The following SLC26A5 variants were observed in gnomAD, a reference collection of about 807,000 sequenced individuals.
The protein encoded by SLC26A5 is prestin.
SLC26A5 carries 51 observed loss-of-function variants against 81.0 expected under a neutral mutation model. The ratio of observed to expected loss-of-function variants is 0.63; its 90% CI spans 0.50 to 0.80. SLC26A5 has a LOEUF of 0.80. Among genes scored for constraint, SLC26A5 ranks in the 30% least tolerant of loss-of-function variants. SLC26A5 has a pLI of 0.00. For synonymous variants in SLC26A5, 325 were observed against 332.8 expected (o/e 0.98, Z 0.25); for missense variants, 771 against 905.8 (o/e 0.85, Z 1.91).
chr7:103,423,837 C>CTGGA (rs768655513), intron 2 of SLC26A5, among the ~76,000 whole-genome samples: 2 of 152,132 alleles, frequency 1.3e-5, no homozygotes, highest in Non-Finnish European at 2.9e-5. Flanking sequence ...AATGGTAAAT[C>CTGGA]TGGAGGAAGA....
intron 9 of SLC26A5, among the ~76,000 whole-genome samples, chr7:103,395,260 G>T (rs1822991663): frequency 6.6e-6 from 1 of 151,246 alleles, no homozygotes; most frequent in Admixed American, 6.6e-5. Context: ...AGGTAGGTAG[G>T]TATTTGTTAC....
intron 19 of SLC26A5, among the ~76,000 whole-genome samples, chr7:103,361,639 G>A (rs775317608): frequency 7.3e-5 from 11 of 151,668 alleles, no homozygotes; most frequent in Non-Finnish European, 1.5e-4. Context: ...AAATAAAAAC[G>A]AGAGCAACTT....
intron 8 of SLC26A5, 84 bp downstream of exon 8, chr7:103,407,767 C>A: frequency 6.6e-7 from 1 of 1,510,244 alleles, no homozygotes; most frequent in Non-Finnish European, 9.1e-7. Context: ...CAAAAAATTC[C>A]TTTCATCCAC....
At chr7:103,376,763 A>T in intron 19 of SLC26A5, 45 bp downstream of exon 19, 1 of 1,356,214 alleles carries the variant, frequency 7.4e-7, no homozygotes, top group Non-Finnish European at 1.0e-6. Context: ...TAAGAGAAAC[A>T]AAACTAAAAT....
intron 2 of SLC26A5, among the ~76,000 whole-genome samples, chr7:103,430,109 A>C: frequency 2.2e-5 from 3 of 138,606 alleles, no homozygotes; most frequent in African/African-American, 2.7e-5. Context: ...ATAGAGTTTC[A>C]CTCTTGTAAC....
intron 2 of SLC26A5, among the ~76,000 whole-genome samples, chr7:103,430,920 C>T (rs751874546): frequency 6.6e-5 from 10 of 152,180 alleles, no homozygotes; most frequent in African/African-American, 1.2e-4. Flanking sequence ...CACTCTACCA[C>T]GGATAAATTA....
chr7:103,353,800 T>A lies in SLC26A5; in HGVS notation c.2042-874A>T, dbSNP rs939961939. On this transcript the variant is annotated intron_variant, in intron 19 of 19. Coordinates refer to the SLC26A5 transcript ENST00000339444. Reference sequence around the variant, plus strand: ...TGAATATGTATCATCATAATCTTGCTTGATTTTTGACACTCACTTAAAACA... The same window carrying A: ...TGAATATGTATCATCATAATCTTGCATGATTTTTGACACTCACTTAAAACA... 6 of 820,796 alleles carry A rather than the reference T, an allele frequency of 7.3e-6. No homozygotes were observed. In the African/African-American group the frequency reaches 1.0e-4, roughly 14 times the overall value. The allele number at this position is 820,796 out of a possible 1,614,324, so 50.8% of individuals were successfully genotyped here.
At chr7:103,445,345 C>G (rs1442518701) in intron 1 of SLC26A5, 1 of 152,220 alleles carries the variant, frequency 6.6e-6, no homozygotes, top group Non-Finnish European at 1.5e-5. Context: ...TCAACCAAGT[C>G]AATTGGTTCC....
chr7:103,428,553 C>A (rs1290491480), intron 2 of SLC26A5, among the ~76,000 whole-genome samples: 1 of 141,846 alleles, frequency 7.0e-6, no homozygotes, highest in Middle Eastern at 3.3e-3. Flanking sequence ...TCTACCCTGC[C>A]AGTACTTTTT....
At chr7:103,360,767 A>C (rs771558186) in intron 19 of SLC26A5, among the ~76,000 whole-genome samples, 4 of 152,224 alleles carry the variant, frequency 2.6e-5, no homozygotes, top group Non-Finnish European at 5.9e-5. Context: ...GCATGGCATT[A>C]TAAATTCATT....
At chr7:103,364,656 C>A (rs1315033837) in intron 19 of SLC26A5, among the ~76,000 whole-genome samples, 3 of 152,122 alleles carry the variant, frequency 2.0e-5, no homozygotes, top group Non-Finnish European at 4.4e-5. Flanking sequence ...GATCCATCTG[C>A]TTTGGCCTCC....
chr7:103,443,714 T>C (rs1206778606), intron 1 of SLC26A5, among the ~76,000 whole-genome samples: 2 of 152,214 alleles, frequency 1.3e-5, no homozygotes, highest in Admixed American at 6.5e-5. Flanking sequence ...GAATACTTAC[T>C]CAAGGGGCCA....
chr7:103,392,133 G>C (rs1190277518), intron 10 of SLC26A5, among the ~76,000 whole-genome samples: 1 of 152,210 alleles, frequency 6.6e-6, no homozygotes, highest in Non-Finnish European at 1.5e-5. Flanking sequence ...GTACATGCCA[G>C]TGTCTTCCTG....
intron 2 of SLC26A5, among the ~76,000 whole-genome samples, chr7:103,426,641 CATTT>C (rs1373626816): frequency 6.6e-6 from 1 of 152,102 alleles, no homozygotes; most frequent in Non-Finnish European, 1.5e-5. Flanking sequence ...AGTTCAAGGA[CATTT>C]CAACTGGGAA....
chr7:103,373,547 A>G (rs1821144384), downstream of SLC26A5, among the ~76,000 whole-genome samples: 1 of 152,210 alleles, frequency 6.6e-6, no homozygotes, highest in Non-Finnish European at 1.5e-5. Context: ...ATGTCATAAA[A>G]AAGGAACTGT....
intron 2 of SLC26A5, among the ~76,000 whole-genome samples, chr7:103,431,340 C>CGTCT (rs1379610927): frequency 7.1e-6 from 1 of 140,896 alleles, no homozygotes; most frequent in Non-Finnish European, 1.5e-5. Flanking sequence ...TTTTTCCTTT[C>CGTCT]TGAGACAGGT....
chr7:103,437,854 C>T (rs935470557), intron 2 of SLC26A5, among the ~76,000 whole-genome samples: 3 of 152,148 alleles, frequency 2.0e-5, no homozygotes, highest in Admixed American at 1.3e-4. Context: ...GTTTTGAGAG[C>T]GATTGCACAG....
intron 8 of SLC26A5, among the ~76,000 whole-genome samples, chr7:103,407,227 G>T (rs527945994): frequency 6.6e-6 from 1 of 152,210 alleles, no homozygotes; most frequent in South Asian, 2.1e-4. Context: ...AGGAAATGAA[G>T]GTAGCATTGT....
rs1427927072 is a variant in SLC26A5 at position 103,404,194 on chromosome 7, A to T, written c.888+3657T>A. 3.3e-5 allele frequency among the ~76,000 whole-genome samples: 5 copies of T among 152,096 alleles called. No homozygotes were observed. The South Asian group carries it at 6.2e-4, about 19-fold the overall frequency. ...GCAAGACTTTGTCTCAAAAAAAAAA[A>T]ATATTGTTATGTGTGAATTTGATCC... On this transcript the variant is annotated intron_variant, in intron 8 of 19. Transcript: ENST00000306312.
Sources: allele counts gnomAD v4.1 joint callset (sites outside exome capture counted in the v4.1 genomes callset), GRCh38; gene constraint gnomAD v4.1.1; transcripts MANE v1.5; gene names NCBI Gene and HGNC (gene_info 2026-07-23, HGNC 2026-07-21).